RAD51B: variants seen among roughly 807,000 people sequenced by gnomAD.
The protein encoded by RAD51B is RAD51 paralog B, also known as DNA repair protein RAD51 homolog 2.
In RAD51B, 38 loss-of-function variants were observed where a neutral mutation model predicts 42.2. The observed-to-expected ratio is 0.90, with a 90% CI of 0.70 to 1.18. The LOEUF (loss-of-function observed/expected upper bound fraction) is 1.18. Among genes scored for constraint, RAD51B ranks in the 50% most tolerant of loss-of-function variants. RAD51B has a pLI of 0.00. For missense variants in RAD51B, 373 were observed against 400.7 expected, an observed-to-expected ratio of 0.93 and a Z score of 0.59; for synonymous variants, 154 against 145.2, an observed-to-expected ratio of 1.06 and a Z score of -0.43.
intron 7 of RAD51B, among the ~76,000 whole-genome samples, chr14:68,276,415 T>C (rs1052801053): frequency 6.6e-6 from 1 of 151,456 alleles, no homozygotes; most frequent in African/African-American, 2.4e-5. Context: ...CTCATTTTAC[T>C]TTTTTTTTAA....
At chr14:68,344,204 C>T (rs1308808802) in intron 8 of RAD51B, among the ~76,000 whole-genome samples, 2 of 152,190 alleles carry the variant, frequency 1.3e-5, no homozygotes, top group East Asian at 3.9e-4. Flanking sequence ...GTATCCTGAG[C>T]TTGGAAAAGC....
chr14:67,917,196 G>A (rs146204499), intron 7 of RAD51B, among the ~76,000 whole-genome samples: 18 of 152,294 alleles, frequency 1.2e-4, no homozygotes, highest in African/African-American at 2.2e-4. Flanking sequence ...CTGTTCTTGC[G>A]TTGCTATAAA....
intron 7 of RAD51B, among the ~76,000 whole-genome samples, chr14:68,004,117 T>C (rs2075535745): frequency 6.6e-6 from 1 of 151,908 alleles, no homozygotes; most frequent in African/African-American, 2.4e-5. Flanking sequence ...GATCACAAGG[T>C]CTGGAGATCA....
chr14:68,549,961 G>A (rs972954630), intron 10 of RAD51B, among the ~76,000 whole-genome samples: 6 of 152,192 alleles, frequency 3.9e-5, no homozygotes, highest in Non-Finnish European at 7.4e-5. Context: ...CCCCACATCT[G>A]TTTTAGTGGT....
At chr14:68,463,576 A>T (rs1295336648) in intron 9 of RAD51B, among the ~76,000 whole-genome samples, 1 of 152,192 alleles carries the variant, frequency 6.6e-6, no homozygotes, top group Admixed American at 6.5e-5. Context: ...GTACTAGTGT[A>T]TAATACTAGC....
intron 9 of RAD51B, among the ~76,000 whole-genome samples, chr14:68,443,583 A>T (rs1485922418): frequency 6.6e-6 from 1 of 152,226 alleles, no homozygotes; most frequent in East Asian, 1.9e-4. Flanking sequence ...AGGGAATCTA[A>T]GATTCCCTAT....
At chr14:68,030,623 C>T (rs1286920262) in intron 7 of RAD51B, among the ~76,000 whole-genome samples, 1 of 152,156 alleles carries the variant, frequency 6.6e-6, no homozygotes, top group Non-Finnish European at 1.5e-5. Context: ...TCTGTCAGAT[C>T]ACCAAAACTC....
chr14:68,347,918 C>A (rs1278703683), intron 8 of RAD51B, among the ~76,000 whole-genome samples: 1 of 152,206 alleles, frequency 6.6e-6, no homozygotes, highest in East Asian at 1.9e-4. Flanking sequence ...AGAGTAGATA[C>A]ACTACCCCAG....
At chr14:68,417,112 C>G (rs1382541208) in intron 9 of RAD51B, among the ~76,000 whole-genome samples, 1 of 152,162 alleles carries the variant, frequency 6.6e-6, no homozygotes, top group African/African-American at 2.4e-5. Flanking sequence ...TTGTATATCT[C>G]CCTACTCCTA....
intron 7 of RAD51B, among the ~76,000 whole-genome samples, chr14:68,216,277 A>G (rs894424358): frequency 2.6e-5 from 4 of 152,198 alleles, no homozygotes; most frequent in Admixed American, 6.5e-5. Context: ...TGGAGATAAC[A>G]CTTGACTCAT....
intron 4 of RAD51B, among the ~76,000 whole-genome samples, chr14:67,836,817 C>T (rs2041258390): frequency 6.6e-6 from 1 of 152,152 alleles, no homozygotes; most frequent in Non-Finnish European, 1.5e-5. Context: ...AAAACCACTG[C>T]AGTTATTTTC....
chr14:68,615,433 C>A (rs1166331241), downstream of RAD51B, among the ~76,000 whole-genome samples: 1 of 152,022 alleles, frequency 6.6e-6, no homozygotes, highest in African/African-American at 2.4e-5. Flanking sequence ...GCAAGCTCTG[C>A]CTCCCGGGTT....
At chr14:68,085,853 C>G (rs2076974794) in intron 7 of RAD51B, among the ~76,000 whole-genome samples, 1 of 152,114 alleles carries the variant, frequency 6.6e-6, no homozygotes, top group South Asian at 2.1e-4. Flanking sequence ...TCTTCAGTGT[C>G]CTGCTGCTCA....
At chr14:68,404,673 T>C (rs980741688) in intron 8 of RAD51B, among the ~76,000 whole-genome samples, 1 of 152,212 alleles carries the variant, frequency 6.6e-6, no homozygotes, top group East Asian at 1.9e-4. Flanking sequence ...TTTTTAATTC[T>C]ACAACCAGAG....
rs1440966538 is a variant in RAD51B, at chr14:67,941,744, G to A, written c.756+54540G>A. On this transcript the variant is annotated intron_variant, in intron 7 of 10. Coordinates refer to ENST00000471583, the MANE Select transcript of RAD51B (RefSeq NM_133510.4). Reference sequence around the variant, plus strand: ...ACAGTACCTCCTCCTTTTGGCTAGGGGTCTGCTAAAGTGGAAAAAGTGGGA... The same window carrying A: ...ACAGTACCTCCTCCTTTTGGCTAGGAGTCTGCTAAAGTGGAAAAAGTGGGA... Among the ~76,000 whole-genome samples, 4 of 152,168 alleles carry A rather than the reference G, an allele frequency of 2.6e-5. No homozygotes were observed. The East Asian group carries it at 7.7e-4, about 29-fold the overall frequency.
intron 7 of RAD51B, among the ~76,000 whole-genome samples, chr14:67,994,711 T>C (rs2075352874): frequency 6.6e-6 from 1 of 152,218 alleles, no homozygotes; most frequent in South Asian, 2.1e-4. Flanking sequence ...TTTGGCAAAA[T>C]GTTAGCTCCT....
intron 8 of RAD51B, among the ~76,000 whole-genome samples, chr14:68,400,324 A>C (rs78479750): frequency 6.6e-6 from 1 of 152,200 alleles, no homozygotes; most frequent in Non-Finnish European, 1.5e-5. Flanking sequence ...GGTAAAGGAC[A>C]TGCCACTTTG....
intron 8 of RAD51B, among the ~76,000 whole-genome samples, chr14:68,298,022 C>A (rs1039314968): frequency 6.6e-6 from 1 of 152,212 alleles, no homozygotes; most frequent in Admixed American, 6.5e-5. Context: ...CAAGGGCACA[C>A]GCCGGCCAGT....
At chr14:68,201,701 G>A (rs2079488531) in intron 7 of RAD51B, among the ~76,000 whole-genome samples, 1 of 152,212 alleles carries the variant, frequency 6.6e-6, no homozygotes, top group Non-Finnish European at 1.5e-5. Flanking sequence ...TCAGTGATAA[G>A]GAGGAAGGAT....
Sources: allele counts gnomAD v4.1 joint callset (sites outside exome capture counted in the v4.1 genomes callset), GRCh38; gene constraint gnomAD v4.1.1; transcripts MANE v1.5; gene names NCBI Gene and HGNC (gene_info 2026-07-23, HGNC 2026-07-21).